The following TENM3 variants were observed in gnomAD, a reference collection of about 807,000 sequenced individuals.
TENM3 encodes teneurin transmembrane protein 3.
A neutral mutation model predicts 255.1 loss-of-function variants in TENM3; 63 were observed. The ratio of observed to expected loss-of-function variants is 0.25; its 90% CI spans 0.20 to 0.30. The LOEUF is 0.30. TENM3 is among the 10% of genes least tolerant of loss of function. The pLI is 1.00. For missense variants in TENM3, 2,929 were observed against 3,461.1 expected, an observed-to-expected ratio of 0.85 and a Z score of 3.86; for synonymous variants, 1,306 against 1,322.3, an observed-to-expected ratio of 0.99 and a Z score of 0.27.
the TENM3 span, among the ~76,000 whole-genome samples, chr4:181,518,113 C>G: frequency 3.3e-5 from 5 of 152,214 alleles, no homozygotes; most frequent in Admixed American, 6.5e-5. Context: ...TAATTGACCT[C>G]CTTTAGCATT....
chr4:182,075,433 A>C, the TENM3 span, among the ~76,000 whole-genome samples: 44 of 151,992 alleles, frequency 2.9e-4, 2 homozygotes, highest in Middle Eastern at 0.01. Flanking sequence ...CTCCTGACCT[A>C]GTGATCCACC....
At chr4:182,708,180 G>A (rs1758438948) in intron 12 of TENM3, 1 of 152,066 alleles carries the variant, frequency 6.6e-6, no homozygotes, top group Admixed American at 6.5e-5. Context: ...TTGTGGTGAA[G>A]ATGAAATGAG....
intron 3 of TENM3, among the ~76,000 whole-genome samples, chr4:182,550,802 G>A (rs1741920727): frequency 6.6e-6 from 1 of 152,052 alleles, no homozygotes; most frequent in Non-Finnish European, 1.5e-5. Context: ...AATGTTTGTT[G>A]AATGAAAACA....
chr4:181,502,531 G>A, the TENM3 span, among the ~76,000 whole-genome samples: 2 of 152,220 alleles, frequency 1.3e-5, no homozygotes, highest in Admixed American at 6.5e-5. Context: ...AACAGAACTA[G>A]TGGGAATTCT....
At chr4:181,467,400 G>T in the TENM3 span, among the ~76,000 whole-genome samples, 2 of 151,294 alleles carry the variant, frequency 1.3e-5, no homozygotes. Flanking sequence ...CTCCCTAAGT[G>T]CTGGGATTAC....
chr4:182,142,221 AAGG>A (rs1468838301), upstream of TENM3: 1 of 152,116 alleles, frequency 6.6e-6, no homozygotes, highest in East Asian at 1.9e-4. Flanking sequence ...TCAGTGGCAG[AAGG>A]AGATGGATCT....
At chr4:182,185,349 C>G (rs1269529655) in intron 1 of TENM3, among the ~76,000 whole-genome samples, 2 of 152,156 alleles carry the variant, frequency 1.3e-5, no homozygotes, top group African/African-American at 2.4e-5. Context: ...AAGCACTTAT[C>G]ACTGTTTGAA....
the TENM3 span, among the ~76,000 whole-genome samples, chr4:181,798,137 C>G: frequency 1.3e-5 from 2 of 150,746 alleles, no homozygotes; most frequent in Admixed American, 1.3e-4. Context: ...CTTTTTTACT[C>G]TTAAGAATCA....
chr4:181,536,298 A>G, the TENM3 span, among the ~76,000 whole-genome samples: 1 of 152,182 alleles, frequency 6.6e-6, no homozygotes, highest in Admixed American at 6.5e-5. Flanking sequence ...AGTAATTGCA[A>G]TGTTCGGCCA....
the TENM3 span, among the ~76,000 whole-genome samples, chr4:181,518,300 G>GT: frequency 3.3e-3 from 484 of 146,566 alleles, 3 homozygotes; most frequent in African/African-American, 0.01. Flanking sequence ...AGCATGTGGG[G>GT]TTTTTTTTTT....
At chr4:182,722,569 G>C (rs1759823249) in intron 13 of TENM3, among the ~76,000 whole-genome samples, 1 of 152,186 alleles carries the variant, frequency 6.6e-6, no homozygotes, top group African/African-American at 2.4e-5. Flanking sequence ...GAAGCTTAGA[G>C]ATCTCCGGGC....
the TENM3 span, among the ~76,000 whole-genome samples, chr4:181,857,608 A>G: frequency 6.9e-6 from 1 of 144,896 alleles, no homozygotes; most frequent in Non-Finnish European, 1.5e-5. Context: ...AAACAAACAC[A>G]TTAGCCAGGC....
At chr4:182,317,525 C>A (rs1561313899) in intron 1 of TENM3, among the ~76,000 whole-genome samples, 1 of 151,940 alleles carries the variant, frequency 6.6e-6, no homozygotes, top group Non-Finnish European at 1.5e-5. Context: ...TCAAGCTGGT[C>A]CCAAACTCCT....
intron 12 of TENM3, among the ~76,000 whole-genome samples, chr4:182,689,362 A>G (rs1237308549): frequency 6.6e-6 from 1 of 152,194 alleles, no homozygotes; most frequent in Non-Finnish European, 1.5e-5. Flanking sequence ...GGATTTGGTT[A>G]GCCGGGAACT....
chr4:181,673,828 G>A, the TENM3 span, among the ~76,000 whole-genome samples: 60 of 150,668 alleles, frequency 4.0e-4, no homozygotes, highest in African/African-American at 1.4e-3. Flanking sequence ...GACCACCTTG[G>A]AAAGTCAGAA....
chr4:181,480,299 T>C, the TENM3 span, among the ~76,000 whole-genome samples: 3 of 152,168 alleles, frequency 2.0e-5, no homozygotes, highest in Non-Finnish European at 4.4e-5. Context: ...GTTATGAGAA[T>C]GAGAGCATAA....
At position 182,246,792 on chromosome 4, in the gene TENM3, A is replaced by G. The variant is rs573550035; in HGVS notation, c.-76+3316A>G. On this transcript the variant is annotated intron_variant, in intron 1 of 27. Coordinates refer to ENST00000511685, the MANE Select transcript of TENM3 (RefSeq NM_001080477.4). Reference sequence around the variant, plus strand: ...GCTTTGCCTTGCATTATTGCAGACGACAGCAGTGCAGGGATGAACTCACTT... The same window carrying G: ...GCTTTGCCTTGCATTATTGCAGACGGCAGCAGTGCAGGGATGAACTCACTT... Among the ~76,000 whole-genome samples, 3 of 152,318 alleles carry G rather than the reference A, an allele frequency of 2.0e-5. No individual in the cohort carries two copies. The East Asian group carries it at 5.8e-4, about 29-fold the overall frequency.
chr4:181,499,896 G>A, the TENM3 span, among the ~76,000 whole-genome samples: 1,381 of 152,286 alleles, frequency 9.1e-3, 16 homozygotes, highest in South Asian at 0.033. Flanking sequence ...TTCAGAAGTG[G>A]CGCAGTCTAG....
intron 24 of TENM3, among the ~76,000 whole-genome samples, chr4:182,780,395 G>A (rs1174641869): frequency 9.0e-6 from 1 of 111,652 alleles, no homozygotes; most frequent in Non-Finnish European, 1.8e-5. Flanking sequence ...TGAGGGCTCT[G>A]TTCTGTTCCA....
Sources: allele counts gnomAD v4.1 joint callset (sites outside exome capture counted in the v4.1 genomes callset), GRCh38; gene constraint gnomAD v4.1.1; transcripts MANE v1.5; gene names NCBI Gene and HGNC (gene_info 2026-07-23, HGNC 2026-07-21).